The following SDHA variants were observed in gnomAD, a reference collection of about 807,000 sequenced individuals.
SDHA encodes the protein succinate dehydrogenase [ubiquinone] flavoprotein subunit, mitochondrial.
In SDHA, 48 loss-of-function variants were observed where a neutral mutation model predicts 78.4. The ratio of observed to expected loss-of-function variants is 0.61; its 90% CI spans 0.49 to 0.78. The LOEUF (loss-of-function observed/expected upper bound fraction) is 0.78, where lower values mean the gene tolerates loss of function less well. SDHA is among the 30% of genes least tolerant of loss of function. The pLI is 0.00. For synonymous variants in SDHA, 326 were observed against 353.9 expected, an observed-to-expected ratio of 0.92 and a Z score of 0.88; for missense variants, 680 against 892.7, an observed-to-expected ratio of 0.76 and a Z score of 3.04.
At chr5:241,296 T>TA (rs1736125432) in intron 11 of SDHA, among the ~76,000 whole-genome samples, 1 of 152,146 alleles carries the variant, frequency 6.6e-6, no homozygotes, top group African/African-American at 2.4e-5. Flanking sequence ...AGCTTTCTCT[T>TA]AGAGGTTTCC....
intron 13 of SDHA, among the ~76,000 whole-genome samples, chr5:252,452 A>C (rs1736900611): frequency 6.8e-6 from 1 of 146,256 alleles, no homozygotes; most frequent in Non-Finnish European, 1.5e-5. Context: ...AGGAAATGCC[A>C]GTTTATTAAA....
intron 7 of SDHA, among the ~76,000 whole-genome samples, chr5:231,222 A>C (rs7736600): frequency 0.24 from 36,540 of 151,956 alleles, 6,846 homozygotes; most frequent in African/African-American, 0.52. Flanking sequence ...TGTATTTCTC[A>C]AGAGCGCTAA....
At chr5:265,966 G>T in the SDHA span, among the ~76,000 whole-genome samples, 3 of 150,500 alleles carry the variant, frequency 2.0e-5, no homozygotes, top group African/African-American at 7.5e-5. Context: ...TTCAGTCCTG[G>T]GGGGACCCTA....
In SDHA at chr5:251,369, C is replaced by G. The variant is rs765113103; in HGVS notation, c.1695C>G (p.Thr565=). The change falls in exon 13 of 15, where the codon ACC becomes ACG. Residue 565 remains threonine, a synonymous_variant. Transcript: ENST00000264932. ...TCTGGAACACGGACCTGGTGGAGAC[C>G]CTGGAGCTGCAGAACCTGATGCTGT... is the stretch of plus-strand genomic sequence containing the variant. ...GMVWNTDLVE[T]LELQNLMLCA... The G allele has an allele frequency of 2.5e-6, 4 of 1,613,694 alleles. No homozygotes were observed. The South Asian group carries it at 3.3e-5, about 13-fold the overall frequency.
intron 8 of SDHA, 46 bp from the exon 9 acceptor site, chr5:235,098 G>A (rs1356010447): frequency 6.3e-7 from 1 of 1,576,354 alleles, no homozygotes; most frequent in Admixed American, 1.7e-5. Flanking sequence ...CAGGTCTCCT[G>A]CCGTTGCCGT....
chr5:248,721 C>T (rs1328390476), intron 11 of SDHA, among the ~76,000 whole-genome samples: 1 of 152,132 alleles, frequency 6.6e-6, no homozygotes, highest in Non-Finnish European at 1.5e-5. Flanking sequence ...GTGCTGGCAA[C>T]GATTCCTATG....
chr5:255,756 A>G (rs983855656), intron 14 of SDHA, among the ~76,000 whole-genome samples: 1 of 152,154 alleles, frequency 6.6e-6, no homozygotes, highest in African/African-American at 2.4e-5. Flanking sequence ...CAAGAAATAC[A>G]TACTCATTTT....
intron 11 of SDHA, among the ~76,000 whole-genome samples, chr5:243,179 A>C (rs1260968733): frequency 6.6e-6 from 1 of 152,242 alleles, no homozygotes; most frequent in Non-Finnish European, 1.5e-5. Flanking sequence ...CCTGCAGATC[A>C]ACAGGGAAAT....
the SDHA span, among the ~76,000 whole-genome samples, chr5:268,120 G>A: frequency 2.0e-5 from 3 of 152,174 alleles, no homozygotes; most frequent in Non-Finnish European, 4.4e-5. Context: ...TAACAGGCTA[G>A]TATCTCTTGT....
intron 11 of SDHA, among the ~76,000 whole-genome samples, chr5:243,887 C>T (rs575031043): frequency 3.3e-5 from 5 of 152,196 alleles, no homozygotes; most frequent in East Asian, 1.9e-4. Flanking sequence ...GGAAATACTC[C>T]GTTTCCTGGA....
chr5:243,983 A>G (rs190026910), intron 11 of SDHA, among the ~76,000 whole-genome samples: 1 of 152,330 alleles, frequency 6.6e-6, no homozygotes, highest in Non-Finnish European at 1.5e-5. Flanking sequence ...TGGGGGAAGA[A>G]AGAAAACTGC....
At chr5:242,942 G>A (rs1336740954) in intron 11 of SDHA, among the ~76,000 whole-genome samples, 1 of 152,162 alleles carries the variant, frequency 6.6e-6, no homozygotes, top group Admixed American at 6.5e-5. Flanking sequence ...GCAAAGGAGG[G>A]AGAGGTTCAT....
At chr5:227,776 T>C (rs112420313) in intron 5 of SDHA, 51,203 of 274,940 alleles carry the variant, frequency 0.19, 8,210 homozygotes, top group African/African-American at 0.52. Flanking sequence ...AAGAGCTGAA[T>C]GTTTTGACTT....
downstream of SDHA, among the ~76,000 whole-genome samples, chr5:257,547 GC>G (rs1737284761): frequency 9.9e-6 from 1 of 101,198 alleles, no homozygotes; most frequent in African/African-American, 3.9e-5. Flanking sequence ...TGAGCTCCGC[GC>G]CCTGCCAGAG....
At chr5:236,022 T>A (rs1447307967) in intron 9 of SDHA, 46 of 299,854 alleles carry the variant, frequency 1.5e-4, no homozygotes, top group African/African-American at 9.1e-4. Context: ...GGTCTTTACT[T>A]CCCTCTCTTT....
In SDHA at chr5:228,290, T is replaced by C; in HGVS notation, c.727T>C (p.Ser243Pro). The part of the protein sequence containing the change: ...GVIALCIEDG[S>P]IHRIRAKNTV... ...CATCGCACTGTGCATAGAGGACGGGTCCATCCATCGCATAAGAGCAAAGAA... is the reference window on the plus strand; with the variant it reads ...CATCGCACTGTGCATAGAGGACGGGCCCATCCATCGCATAAGAGCAAAGAA... Residue 243 changes from serine to proline, a missense_variant, in exon 6 of 15, where the codon TCC becomes CCC. Transcript: ENST00000264932. 1 of 1,613,806 alleles carries C rather than the reference T, an allele frequency of 6.2e-7. No individual in the cohort carries two copies. Among genetic ancestry groups the C allele is most frequent in the Non-Finnish European group, 8.5e-7 (1 of 1,179,836 alleles).
Position 235,496 on chromosome 5 carries a change from G to A in SDHA, c.1260+157G>A, listed in dbSNP as rs189251379. ...GATTGCACTTTAAATTTCTATTACC[G>A]GAGGATGGAGGGGGCTTAATAATTT... On this transcript the variant is annotated intron_variant, in intron 9 of 14. Transcript: ENST00000264932. 4.0e-3 allele frequency: 2,998 copies of A among 750,612 alleles called. 22 individuals are homozygous for A. The highest frequency in any genetic ancestry group is 0.013 in the South Asian group (866 of 65,154). The allele number at this position is 750,612 out of a possible 1,614,324, so 46.5% of individuals were successfully genotyped here.
intron 11 of SDHA, among the ~76,000 whole-genome samples, chr5:241,902 G>A (rs1456394611): frequency 6.6e-6 from 1 of 152,246 alleles, no homozygotes; most frequent in Non-Finnish European, 1.5e-5. Context: ...CTATTGTAGG[G>A]TTGGAGGCCA....
At chr5:263,113 T>C in the SDHA span, among the ~76,000 whole-genome samples, 3 of 152,032 alleles carry the variant, frequency 2.0e-5, no homozygotes, top group Admixed American at 6.6e-5. Flanking sequence ...CTAATTTTTA[T>C]ATTTTTTACA....
Sources: allele counts gnomAD v4.1 joint callset (sites outside exome capture counted in the v4.1 genomes callset), GRCh38; gene constraint gnomAD v4.1.1; transcripts MANE v1.5; gene names NCBI Gene and HGNC (gene_info 2026-07-23, HGNC 2026-07-21).